Variants in C9orf72 observed in about 807,000 individuals in gnomAD.
C9orf72 encodes C9orf72-SMCR8 complex subunit.
Under a neutral mutation model 51.6 loss-of-function variants are expected in C9orf72, and 44 were observed. The observed-to-expected ratio is 0.85, with a 90% confidence interval of 0.67 to 1.10. C9orf72 has a LOEUF of 1.10. C9orf72 is among the 50% of genes least tolerant of loss of function. The pLI is 0.00. For missense variants in C9orf72, 607 were observed against 570.6 expected (o/e 1.06, Z -0.65); for synonymous variants, 213 against 194.2 (o/e 1.10, Z -0.81).
intron 9 of C9orf72, 36 bp from the exon 10 acceptor site, chr9:27,548,702 C>T: frequency 8.2e-7 from 1 of 1,215,538 alleles, no homozygotes; most frequent in Non-Finnish European, 1.2e-6. Flanking sequence ...ACATAATTTG[C>T]TCACATTCTA....
At position 27,566,973 on chromosome 9, in the gene C9orf72, C is replaced by T. The variant is rs766734628; in HGVS notation, c.148G>A (p.Glu50Lys). 2 of 1,614,096 alleles carry T rather than the reference C, an allele frequency of 1.2e-6. No homozygotes were observed. The highest frequency in any genetic ancestry group is 1.1e-5 in the South Asian group (1 of 91,078). ...RVRHIWAPKT[E>K]QVLLSDGEIT... is the part of the protein sequence containing the mutation. ...TCTCCATCACTGAGAAGTACCTGTT[C>T]TGTCTTTGGAGCCCAAATGTGCCTT... Residue 50 changes from glutamate (E) to lysine (K), a missense_variant, in exon 2 of 11, where the codon GAA (glutamate) becomes AAA (lysine). Coordinates refer to ENST00000380003, the MANE Select transcript of C9orf72 (RefSeq NM_018325.5).
At chr9:27,564,257 T>C (rs10812617) in intron 3 of C9orf72, among the ~76,000 whole-genome samples, 29,504 of 151,802 alleles carry the variant, frequency 0.19, 3,097 homozygotes, top group Non-Finnish European at 0.23. Flanking sequence ...TTCCCAAACT[T>C]GAACTTCTCA....
intron 5 of C9orf72, chr9:27,560,674 G>C: frequency 1.0e-6 from 1 of 991,022 alleles, no homozygotes; most frequent in Non-Finnish European, 1.2e-6. Flanking sequence ...ACAGATACAG[G>C]ACTAAAGTGC....
chr9:27,563,098 G>C (rs1383554115), intron 3 of C9orf72, among the ~76,000 whole-genome samples: 2 of 151,984 alleles, frequency 1.3e-5, no homozygotes, highest in African/African-American at 4.8e-5. Flanking sequence ...AGCACAAAAA[G>C]ACTTTGAAAT....
Position 27,566,851 on chromosome 9 carries a change from C to T in C9orf72, c.270G>A (p.Lys90=), listed in dbSNP as rs145418675. ...AGATTAATGAAACAATAATCACTCC[C>T]TTTTCAGACAAGACAAAAAACTTTA... ...IDVKFFVLSE[K]GVIIVSLIFD... The change falls in exon 2 of 11, where the codon AAG becomes AAA. Residue 90 remains lysine (K), a synonymous_variant. Coordinates refer to ENST00000380003, the MANE Select transcript of C9orf72 (RefSeq NM_018325.5). 309 of 1,613,950 alleles carry T rather than the reference C, an allele frequency of 1.9e-4. 2 individuals carry two copies. In the African/African-American group the frequency reaches 3.4e-3, roughly 18 times the overall value.
chr9:27,568,468 G>T (rs896757387), intron 1 of C9orf72, among the ~76,000 whole-genome samples: 1 of 152,166 alleles, frequency 6.6e-6, no homozygotes, highest in South Asian at 2.1e-4. Flanking sequence ...AGGGCTCTTG[G>T]TCCCCTTGCT....
rs1819352475 is a variant in C9orf72, at chr9:27,561,640, T to C, written c.610A>G (p.Thr204Ala). The C allele has an allele frequency of 3.8e-6, 6 of 1,596,324 alleles. No individual in the cohort carries two copies. The highest frequency in any genetic ancestry group is 5.1e-6 in the Non-Finnish European group (6 of 1,167,030). ...CCAATATCATCATCATTGAGTACTG[T>C]ATCAGCTATCTAAAATGCATCAAAA... ...SVPEEIDIAD[T>A]VLNDDDIGDS... The change falls in exon 5 of 11, where the codon ACA (threonine) becomes GCA (alanine). Residue 204 changes from threonine (T) to alanine (A), a missense_variant. By Grantham distance (58) the Thr-to-Ala change is moderately conservative. Transcript: ENST00000380003.
chr9:27,554,226 C>T (rs1820964905), intron 8 of C9orf72, among the ~76,000 whole-genome samples: 1 of 152,136 alleles, frequency 6.6e-6, no homozygotes, highest in Admixed American at 6.5e-5. Flanking sequence ...GTATGTTCAT[C>T]ACAGCACTAT....
In C9orf72 at chr9:27,548,254, A is replaced by G. The variant is rs1820813699; in HGVS notation, c.1428T>C (p.Asp476=). Residue 476 remains aspartate (D), a synonymous_variant, in exon 11 of 11, where the codon GAT becomes GAC. Transcript: ENST00000380003. ...RPFYTSVQER[D]VLMTF is the part of the protein sequence containing the mutation. Reference sequence around the variant, plus strand: ...TACACATTTAAAAAGTCATTAGAACATCTCGTTCTTGCACACTAGTGTAGA... The same window carrying G: ...TACACATTTAAAAAGTCATTAGAACGTCTCGTTCTTGCACACTAGTGTAGA... The G allele has an allele frequency of 5.6e-6, 9 of 1,608,178 alleles. No homozygotes were observed. The highest frequency in any genetic ancestry group is 7.6e-6 in the Non-Finnish European group (9 of 1,177,708).
chr9:27,573,208 G>GCGCCGCCGCCGCCGCCGC (rs546630378), intron 1 of C9orf72, among the ~76,000 whole-genome samples: 4 of 151,798 alleles, frequency 2.6e-5, no homozygotes, highest in African/African-American at 9.7e-5. Flanking sequence ...CCTTGTCCCT[G>GCGCCGCCGCCGCCGCCGC]CGCCGCCGCC....
intron 7 of C9orf72, among the ~76,000 whole-genome samples, chr9:27,557,905 C>A (rs375532868): frequency 2.0e-5 from 3 of 151,924 alleles, no homozygotes; most frequent in Admixed American, 1.3e-4. Context: ...TATTTCTTCA[C>A]GTCTTGGGAC....
At chr9:27,558,148 T>A (rs4879565) in intron 7 of C9orf72, among the ~76,000 whole-genome samples, 32,494 of 150,452 alleles carry the variant, frequency 0.22, 3,950 homozygotes, top group East Asian at 0.3. Flanking sequence ...GTTTAAAATT[T>A]TTTTTCAATA....
intron 1 of C9orf72, among the ~76,000 whole-genome samples, chr9:27,572,229 T>C (rs1645418914): frequency 6.6e-6 from 1 of 152,246 alleles, no homozygotes; most frequent in African/African-American, 2.4e-5. Flanking sequence ...ACTCTCGTTC[T>C]TGTTTCAGAT....
intron 1 of C9orf72, among the ~76,000 whole-genome samples, chr9:27,572,590 C>T (rs112845384): frequency 8.5e-5 from 13 of 152,210 alleles, no homozygotes; most frequent in African/African-American, 3.1e-4. Flanking sequence ...AACCAGGCAA[C>T]TACTCTCCCA....
rs1424399841 is a variant in C9orf72, at chr9:27,547,490, A to G, written c.*746T>C. 1 of 152,686 alleles carries G rather than the reference A, an allele frequency of 6.5e-6. No homozygotes were observed. The highest frequency in any genetic ancestry group is 1.5e-5 in the Non-Finnish European group (1 of 68,040). The allele number at this position is 152,686 out of a possible 1,614,324, so 9.5% of individuals were successfully genotyped here. A position where few individuals can be genotyped will look rare whatever the true frequency, so the allele number is the denominator to read the frequency against. On this transcript the variant is annotated 3_prime_UTR_variant, in exon 11 of 11. Coordinates refer to ENST00000380003, the MANE Select transcript of C9orf72 (RefSeq NM_018325.5). ...TCAAAAATAATGAAAATTAATTTAA[A>G]AAGTTGGCAACAATTACTAAAACAT... is the stretch of plus-strand genomic sequence containing the variant.
intron 7 of C9orf72, among the ~76,000 whole-genome samples, chr9:27,557,539 T>C (rs700828): frequency 0.23 from 34,792 of 152,046 alleles, 4,139 homozygotes; most frequent in Middle Eastern, 0.33. Flanking sequence ...CATTAGATCA[T>C]AGTTTTGAAA....
chr9:27,565,119 T>C (rs1050325702), intron 3 of C9orf72, among the ~76,000 whole-genome samples: 1 of 152,126 alleles, frequency 6.6e-6, no homozygotes, highest in Non-Finnish European at 1.5e-5. Context: ...AGAAATATTG[T>C]GTGGACCTGG....
chr9:27,565,713 A>C, intron 2 of C9orf72, 123 bp from the exon 3 acceptor site: 1 of 630,872 alleles, frequency 1.6e-6, no homozygotes, highest in Non-Finnish European at 2.8e-6. Flanking sequence ...TACTTTAGGG[A>C]AAAAATGGGG....
intron 5 of C9orf72, chr9:27,561,335 G>C (rs924059109): frequency 1.8e-5 from 22 of 1,249,662 alleles, no homozygotes; most frequent in Non-Finnish European, 2.0e-5. Context: ...CCAGAATCAA[G>C]CAAGGGGCCA....
Sources: allele counts gnomAD v4.1 joint callset (sites outside exome capture counted in the v4.1 genomes callset), GRCh38; gene constraint gnomAD v4.1.1; transcripts MANE v1.5; gene names NCBI Gene and HGNC (gene_info 2026-07-23, HGNC 2026-07-21).